Variants in ANK2 observed in about 807,000 individuals in gnomAD.
The protein encoded by ANK2 is ankyrin 2, also known as ankyrin-2.
A neutral mutation model predicts 360.5 loss-of-function variants in ANK2; 83 were observed. That is an observed-to-expected ratio of 0.23 (90% CI 0.19 to 0.28). The LOEUF (loss-of-function observed/expected upper bound fraction) is 0.28. Among genes scored for constraint, ANK2 ranks in the 10% least tolerant of loss-of-function variants. The probability of loss-of-function intolerance (pLI) is 1.00; values close to 1 mark genes in which losing one functional copy is unlikely to be tolerated. For missense variants in ANK2, 4,201 were observed against 4,795.7 expected (o/e 0.88, Z 3.66); for synonymous variants, 1,740 against 1,759.5 (o/e 0.99, Z 0.28).
At chr4:112,783,687 T>TGTC in the ANK2 span, among the ~76,000 whole-genome samples, 1 of 150,676 alleles carries the variant, frequency 6.6e-6, no homozygotes, top group Non-Finnish European at 1.5e-5. Flanking sequence ...AGTCTCGCTC[T>TGTC]GTCACCCAGG....
At chr4:112,869,791 T>A (rs2072188256) in intron 1 of ANK2, among the ~76,000 whole-genome samples, 1 of 152,162 alleles carries the variant, frequency 6.6e-6, no homozygotes, top group Non-Finnish European at 1.5e-5. Flanking sequence ...GAAGTGATTC[T>A]CATGCCTCAG....
intron 15 of ANK2, among the ~76,000 whole-genome samples, chr4:113,275,886 C>T (rs1213031714): frequency 2.7e-5 from 4 of 149,418 alleles, no homozygotes; most frequent in African/African-American, 9.8e-5. Context: ...AAAAATATAA[C>T]TATATCCATG....
At chr4:112,990,975 G>T (rs986534659) in intron 2 of ANK2, among the ~76,000 whole-genome samples, 5 of 152,152 alleles carry the variant, frequency 3.3e-5, no homozygotes, top group Non-Finnish European at 5.9e-5. Flanking sequence ...TATTGGGCAA[G>T]GCTCAGTGGT....
the ANK2 span, among the ~76,000 whole-genome samples, chr4:112,721,983 T>G: frequency 6.6e-6 from 1 of 152,204 alleles, no homozygotes; most frequent in Non-Finnish European, 1.5e-5. Flanking sequence ...CTTCATTTGT[T>G]ATCCTTCTAA....
chr4:113,078,823 G>A (rs2081180306), intron 1 of ANK2, among the ~76,000 whole-genome samples: 1 of 152,188 alleles, frequency 6.6e-6, no homozygotes, highest in Admixed American at 6.5e-5. Context: ...CCAACTGCCA[G>A]AGAGTATTTT....
At chr4:112,999,614 T>C (rs2049895770) in intron 2 of ANK2, among the ~76,000 whole-genome samples, 1 of 151,822 alleles carries the variant, frequency 6.6e-6, no homozygotes, top group Non-Finnish European at 1.5e-5. Flanking sequence ...TGCAGCAATA[T>C]ACTAATCCAC....
intron 1 of ANK2, among the ~76,000 whole-genome samples, chr4:113,156,808 A>T (rs1449484119): frequency 1.3e-5 from 2 of 150,394 alleles, no homozygotes; most frequent in Non-Finnish European, 3.0e-5. Context: ...TATATATATA[A>T]AATGTATGTG....
At chr4:112,788,414 A>G in the ANK2 span, 18 of 1,595,560 alleles carry the variant, frequency 1.1e-5, no homozygotes, top group African/African-American at 6.7e-5. Context: ...GTCGGGTGCA[A>G]TCACCACCAG....
upstream of ANK2, among the ~76,000 whole-genome samples, chr4:112,815,500 T>G (rs10028827): frequency 0.3 from 44,979 of 152,080 alleles, 6,773 homozygotes; most frequent in East Asian, 0.35. Context: ...AATTTGCTAT[T>G]CATAAGGCCC....
chr4:113,103,991 G>T (rs2154361364), intron 1 of ANK2, among the ~76,000 whole-genome samples: 1 of 152,186 alleles, frequency 6.6e-6, no homozygotes, highest in South Asian at 2.1e-4. Context: ...TCCTGACTTA[G>T]GCAGTATTTT....
the ANK2 span, among the ~76,000 whole-genome samples, chr4:112,753,814 C>T: frequency 6.6e-6 from 1 of 152,032 alleles, no homozygotes; most frequent in Non-Finnish European, 1.5e-5. Flanking sequence ...CAGGAAATAA[C>T]TGGCTGGGCA....
At chr4:112,874,423 GT>G (rs2074319753) in intron 1 of ANK2, among the ~76,000 whole-genome samples, 1 of 150,820 alleles carries the variant, frequency 6.6e-6, no homozygotes, top group African/African-American at 2.4e-5. Flanking sequence ...GGCAGATTAC[GT>G]GAGGTCAGGT....
intron 1 of ANK2, chr4:112,826,383 C>G (rs2058411733): frequency 2.0e-6 from 2 of 998,654 alleles, no homozygotes; most frequent in Non-Finnish European, 3.0e-6. Flanking sequence ...ACCTGAAAAG[C>G]CAGTTGTCCC....
intron 1 of ANK2, among the ~76,000 whole-genome samples, chr4:113,099,829 G>A (rs535319328): frequency 1.5e-4 from 23 of 152,102 alleles, no homozygotes; most frequent in African/African-American, 5.5e-4. Flanking sequence ...CACAAATACA[G>A]TGAACTGATT....
At chr4:113,335,455 A>G (rs1416611407) in intron 29 of ANK2, among the ~76,000 whole-genome samples, 1 of 152,224 alleles carries the variant, frequency 6.6e-6, no homozygotes, top group Non-Finnish European at 1.5e-5. Context: ...TTGCAAAGAA[A>G]AGGAGCCCAG....
intron 1 of ANK2, among the ~76,000 whole-genome samples, chr4:112,866,111 G>A (rs747381989): frequency 8.8e-4 from 134 of 152,184 alleles, no homozygotes; most frequent in Non-Finnish European, 5.4e-4. Flanking sequence ...TTCGGCTGAG[G>A]TGCAGCATAC....
At chr4:113,307,107 G>A (rs1456983618) in intron 23 of ANK2, among the ~76,000 whole-genome samples, 2 of 152,246 alleles carry the variant, frequency 1.3e-5, no homozygotes, top group East Asian at 3.9e-4. Context: ...TATTCTCATG[G>A]ATTCTTGAGT....
chr4:112,987,833 A>G (rs981257089), intron 2 of ANK2, among the ~76,000 whole-genome samples: 7 of 152,102 alleles, frequency 4.6e-5, no homozygotes, highest in Admixed American at 2.6e-4. Context: ...ATATATGTCT[A>G]TTGCCTAAAG....
intron 2 of ANK2, among the ~76,000 whole-genome samples, chr4:112,972,752 A>G (rs2039986478): frequency 6.6e-6 from 1 of 152,238 alleles, no homozygotes; most frequent in Non-Finnish European, 1.5e-5. Flanking sequence ...TGCAACTGCA[A>G]AGATATGGAA....
Sources: allele counts gnomAD v4.1 joint callset (sites outside exome capture counted in the v4.1 genomes callset), GRCh38; gene constraint gnomAD v4.1.1; transcripts MANE v1.5; gene names NCBI Gene and HGNC (gene_info 2026-07-23, HGNC 2026-07-21).